Variants in ATXN2 observed in about 807,000 individuals in gnomAD.
The protein encoded by ATXN2 is ataxin 2, also known as ataxin-2.
ATXN2 carries 37 observed loss-of-function variants against 138.6 expected under a neutral mutation model. The observed-to-expected ratio is 0.27, with a 90% CI of 0.21 to 0.35. The LOEUF is 0.35. Among genes scored for constraint, ATXN2 ranks in the 10% least tolerant of loss-of-function variants. ATXN2 has a pLI of 1.00. For missense variants in ATXN2, 1,216 were observed against 1,480.3 expected (o/e 0.82, Z 2.93); for synonymous variants, 549 against 543.7 (o/e 1.01, Z -0.13).
chr12:111,576,130 CATA>C (rs780884166), intron 1 of ATXN2, among the ~76,000 whole-genome samples: 4,974 of 140,570 alleles, frequency 0.035, 136 homozygotes, highest in South Asian at 0.077. Flanking sequence ...CATAACATAA[CATA>C]ACATCACACC....
chr12:111,580,293 C>CA (rs1325555402), intron 1 of ATXN2, among the ~76,000 whole-genome samples: 1 of 151,712 alleles, frequency 6.6e-6, no homozygotes, highest in African/African-American at 2.4e-5. Context: ...CCAGCCTGGG[C>CA]AACAGAGCAA....
At chr12:111,559,090 TA>T (rs1411321557) in intron 1 of ATXN2, among the ~76,000 whole-genome samples, 3 of 151,800 alleles carry the variant, frequency 2.0e-5, no homozygotes, top group Admixed American at 6.6e-5. Context: ...CCTCACAGTT[TA>T]AATCCAGAAT....
intron 1 of ATXN2, among the ~76,000 whole-genome samples, chr12:111,589,524 C>T (rs902133934): frequency 4.6e-5 from 7 of 150,866 alleles, no homozygotes; most frequent in African/African-American, 1.7e-4. Flanking sequence ...GTAATTCCAG[C>T]ACTTCAGGAG....
At chr12:111,542,825 C>T (rs1881591916) in intron 5 of ATXN2, among the ~76,000 whole-genome samples, 1 of 152,130 alleles carries the variant, frequency 6.6e-6, no homozygotes, top group African/African-American at 2.4e-5. Context: ...ACTAGTACCA[C>T]ACAGTATTTT....
intron 1 of ATXN2, among the ~76,000 whole-genome samples, chr12:111,587,425 C>G (rs1460818904): frequency 6.6e-6 from 1 of 151,876 alleles, no homozygotes; most frequent in African/African-American, 2.4e-5. Context: ...TTTGGGAAAA[C>G]TAGGTGGGTG....
chr12:111,507,603 G>T lies in ATXN2; in HGVS notation c.1935+1946C>A, dbSNP rs1391823975. Among the ~76,000 whole-genome samples, 5 of 151,550 alleles carry T rather than the reference G, an allele frequency of 3.3e-5. No homozygotes were observed. The East Asian group carries it at 9.8e-4, about 30-fold the overall frequency. On this transcript the variant is annotated intron_variant, in intron 14 of 24. Transcript: ENST00000673436. ...AGGTGGGGGGCACCTCTGCCCGGCCGCCCCTTCTGGGAAGTGAGGAGCCCC... is the reference window on the plus strand; with the variant it reads ...AGGTGGGGGGCACCTCTGCCCGGCCTCCCCTTCTGGGAAGTGAGGAGCCCC...
At chr12:111,489,195 CAGCT>C (rs1272571166) in intron 14 of ATXN2, among the ~76,000 whole-genome samples, 1 of 152,154 alleles carries the variant, frequency 6.6e-6, no homozygotes, top group African/African-American at 2.4e-5. Context: ...AGTAAAGTGT[CAGCT>C]AGTCTAAGGT....
intron 14 of ATXN2, among the ~76,000 whole-genome samples, chr12:111,490,203 T>C (rs1311739587): frequency 6.8e-6 from 1 of 146,238 alleles, no homozygotes; most frequent in African/African-American, 2.5e-5. Flanking sequence ...CAAGACTCCA[T>C]CTAAAAATTA....
intron 5 of ATXN2, among the ~76,000 whole-genome samples, chr12:111,530,714 T>A (rs1240687619): frequency 6.6e-6 from 1 of 152,146 alleles, no homozygotes; most frequent in Non-Finnish European, 1.5e-5. Flanking sequence ...CTCGGGAGGC[T>A]GAGGCAGGAG....
At chr12:111,496,297 C>T (rs113811888) in intron 14 of ATXN2, among the ~76,000 whole-genome samples, 1 of 151,952 alleles carries the variant, frequency 6.6e-6, no homozygotes, top group Non-Finnish European at 1.5e-5. Flanking sequence ...TTTAGGAGGC[C>T]AAGGTGGGTG....
intron 6 of ATXN2, among the ~76,000 whole-genome samples, chr12:111,524,779 A>G (rs1435608703): frequency 6.6e-6 from 1 of 152,226 alleles, no homozygotes; most frequent in Non-Finnish European, 1.5e-5. Flanking sequence ...TCTTCAGACA[A>G]GAGGCTTAAA....
chr12:111,536,788 T>C (rs982830982), intron 5 of ATXN2, among the ~76,000 whole-genome samples: 1 of 146,888 alleles, frequency 6.8e-6, no homozygotes, highest in Non-Finnish European at 1.5e-5. Context: ...TTTTTTTTTT[T>C]TTTTTTTTTT....
At chr12:111,574,416 T>C (rs1318804909) in intron 1 of ATXN2, among the ~76,000 whole-genome samples, 5 of 150,958 alleles carry the variant, frequency 3.3e-5, no homozygotes, top group Non-Finnish European at 5.9e-5. Flanking sequence ...TGTAAATTCC[T>C]CATTTTCTTT....
chr12:111,597,690 C>T (rs961050952), intron 1 of ATXN2: 1 of 499,446 alleles, frequency 2.0e-6, no homozygotes, highest in Non-Finnish European at 3.7e-6. Flanking sequence ...CAACACTGAG[C>T]CCCCAGCCCC....
intron 1 of ATXN2, among the ~76,000 whole-genome samples, chr12:111,591,812 T>G (rs559097304): frequency 6.6e-6 from 1 of 152,314 alleles, no homozygotes; most frequent in Non-Finnish European, 1.5e-5. Context: ...CTGCGCACGG[T>G]GGCTCATGCC....
intron 14 of ATXN2, among the ~76,000 whole-genome samples, chr12:111,489,974 A>AG (rs2135703940): frequency 6.6e-6 from 1 of 151,962 alleles, no homozygotes; most frequent in African/African-American, 2.4e-5. Flanking sequence ...AAGCCAAGGC[A>AG]GGTGGATCAC....
rs1166113582 is a variant in ATXN2, at chr12:111,485,725, G to A, written c.2445C>T (p.Ser815=). ...TTCTATGACTTACTTGCACGCCTGG[G>A]CTCACTGGGACTGGATACATCATAT... ...APNMMYPVPV[S]PGVQPLYPIP... is the part of the protein sequence containing the mutation. The change falls in exon 17 of 25, where the codon AGC becomes AGT. Residue 815 remains serine, a synonymous_variant. Transcript: ENST00000673436. The A allele has an allele frequency of 1.2e-6, 2 of 1,613,810 alleles. No individual in the cohort carries two copies. Among genetic ancestry groups the A allele is most frequent in the Non-Finnish European group, 1.7e-6 (2 of 1,179,952 alleles).
intron 14 of ATXN2, among the ~76,000 whole-genome samples, chr12:111,498,122 A>T (rs922892496): frequency 6.6e-6 from 1 of 152,162 alleles, no homozygotes; most frequent in Non-Finnish European, 1.5e-5. Context: ...CATACTGAAA[A>T]GGGAAAAACT....
At chr12:111,565,300 G>C (rs1007944169) in intron 1 of ATXN2, among the ~76,000 whole-genome samples, 3 of 152,052 alleles carry the variant, frequency 2.0e-5, no homozygotes, top group African/African-American at 4.8e-5. Flanking sequence ...CCCCGAGTCG[G>C]GCAAGTCCAT....
Sources: gnomAD v4.1 joint callset for allele counts (sites outside exome capture counted in the v4.1 genomes callset) on GRCh38, gnomAD v4.1.1 for gene constraint, MANE v1.5 for transcripts, NCBI Gene and HGNC (gene_info 2026-07-23, HGNC 2026-07-21) for gene names.